The following COL4A6 variants were observed in gnomAD, a reference collection of about 807,000 sequenced individuals.
COL4A6 encodes the protein collagen type IV alpha 6 chain.
COL4A6 carries 59 observed loss-of-function variants against 126.7 expected under a neutral mutation model. The observed-to-expected ratio is 0.47, with a 90% confidence interval of 0.38 to 0.58. The LOEUF is 0.58. COL4A6 is among the 20% of genes least tolerant of loss of function. The pLI is 0.00. For synonymous variants in COL4A6, 547 were observed against 496.6 expected (o/e 1.10, Z -1.35); for missense variants, 1,285 against 1,337.3 (o/e 0.96, Z 0.61).
intron 2 of COL4A6, among the ~76,000 whole-genome samples, chrX:108,414,931 G>C (rs2041407408): frequency 8.9e-6 from 1 of 112,061 alleles, no homozygotes; most frequent in African/African-American, 3.2e-5. Flanking sequence ...AGTTATTAGA[G>C]GATTTCAGAT....
At position 108,159,678 on chromosome X, in the gene COL4A6, G is replaced by A; in HGVS notation, c.4596C>T (p.Cys1532=). 1 of 1,212,018 alleles carries A rather than the reference G, an allele frequency of 8.3e-7. No individual in the cohort carries two copies. The highest frequency in any genetic ancestry group is 1.1e-6 in the Non-Finnish European group (1 of 895,489). ...ATTTATCATTGCGCCTGGCATAGTG[G>A]CACACCTCGTTGATGTTGCAGTAGA... ...PFIYCNINEV[C]HYARRNDKSY... The change falls in exon 44 of 45, where the codon TGC becomes TGT. Residue 1532 remains cysteine, a synonymous_variant. Coordinates refer to ENST00000334504, the MANE Select transcript of COL4A6 (RefSeq NM_033641.4).
intron 2 of COL4A6, among the ~76,000 whole-genome samples, chrX:108,413,558 A>C (rs2041372600): frequency 9.0e-6 from 1 of 111,231 alleles, no homozygotes; most frequent in Non-Finnish European, 1.9e-5. Context: ...TCCCAGGTTC[A>C]CGCCATTCTC....
chrX:108,390,869 T>C (rs1361017738), intron 2 of COL4A6, among the ~76,000 whole-genome samples: 1 of 111,508 alleles, frequency 9.0e-6, no homozygotes, highest in South Asian at 3.8e-4. Context: ...TTCGTGGATT[T>C]GATGTTGGTG....
intron 3 of COL4A6, among the ~76,000 whole-genome samples, chrX:108,292,985 G>GAAAAAAAAAAAAAAAAAAAAAAAAAA (rs1292125261): frequency 6.0e-5 from 1 of 16,634 alleles, no homozygotes; most frequent in African/African-American, 2.9e-4. Context: ...GAAAGAGAAG[G>GAAAAAAAAAAAAAAAAAAAAAAAAAA]AAAAAAGCAA....
chrX:108,383,378 A>G (rs899463437), intron 2 of COL4A6: 1 of 436,977 alleles, frequency 2.3e-6, no homozygotes, highest in Non-Finnish European at 4.3e-6. Context: ...GCACCAAGCT[A>G]TAAGAAGTAA....
At chrX:108,282,939 T>A (rs1279179463) in intron 3 of COL4A6, among the ~76,000 whole-genome samples, 1 of 95,629 alleles carries the variant, frequency 1.0e-5, no homozygotes, top group African/African-American at 3.9e-5. Context: ...TAGGTGGGAA[T>A]TGAACAATGA....
chrX:108,343,020 A>G (rs1481622869), intron 2 of COL4A6, among the ~76,000 whole-genome samples: 1 of 107,615 alleles, frequency 9.3e-6, no homozygotes, highest in Non-Finnish European at 1.9e-5. Flanking sequence ...ACTAAGCAGT[A>G]CTTTTTTTAA....
intron 2 of COL4A6, chrX:108,383,393 C>A: frequency 2.1e-6 from 1 of 470,135 alleles, no homozygotes; most frequent in Non-Finnish European, 4.0e-6. Flanking sequence ...AAGTAAAACC[C>A]TGACTCAAGC....
At chrX:108,221,846 A>C (rs763823688) in intron 3 of COL4A6, among the ~76,000 whole-genome samples, 1 of 112,693 alleles carries the variant, frequency 8.9e-6, no homozygotes, top group South Asian at 3.7e-4. Context: ...TGGGCCCAGA[A>C]ACCTACAGGC....
chrX:108,350,191 A>G (rs953123354), intron 2 of COL4A6, among the ~76,000 whole-genome samples: 9 of 112,127 alleles, frequency 8.0e-5, no homozygotes, highest in African/African-American at 2.9e-4. Context: ...GAAAAATACA[A>G]TCTGCAATAT....
intron 3 of COL4A6, among the ~76,000 whole-genome samples, chrX:108,298,152 T>G (rs759066708): frequency 8.9e-6 from 1 of 111,959 alleles, no homozygotes; most frequent in South Asian, 3.8e-4. Flanking sequence ...GCGCTCTCCC[T>G]TTCTTCATGA....
At chrX:108,408,636 A>G (rs1348743035) in intron 2 of COL4A6, among the ~76,000 whole-genome samples, 1 of 112,055 alleles carries the variant, frequency 8.9e-6, no homozygotes, top group Non-Finnish European at 1.9e-5. Context: ...ATATATAAAT[A>G]TCATGCATAT....
chrX:108,369,385 TCAACC>T (rs1193958104), intron 2 of COL4A6, among the ~76,000 whole-genome samples: 11 of 111,673 alleles, frequency 9.9e-5, no homozygotes, highest in African/African-American at 3.6e-4. Flanking sequence ...CCTGGACAGT[TCAACC>T]TACCATGAAA....
chrX:108,332,291 T>C (rs747909704), intron 2 of COL4A6, among the ~76,000 whole-genome samples: 1 of 111,926 alleles, frequency 8.9e-6, no homozygotes, highest in African/African-American at 3.2e-5. Flanking sequence ...CTATTGTGAA[T>C]AGTGCAGTGA....
intron 2 of COL4A6, among the ~76,000 whole-genome samples, chrX:108,420,025 G>C (rs768898352): frequency 9.0e-6 from 1 of 111,704 alleles, no homozygotes; most frequent in Non-Finnish European, 1.9e-5. Context: ...TTAGTAAGAT[G>C]TTTGAGGGAA....
intron 3 of COL4A6, among the ~76,000 whole-genome samples, chrX:108,308,040 G>A (rs544128553): frequency 7.2e-5 from 8 of 111,847 alleles, no homozygotes; most frequent in African/African-American, 2.6e-4. Flanking sequence ...ACATTTTTAG[G>A]AACATATTTG....
At chrX:108,195,010 G>A in intron 15 of COL4A6, 72 bp downstream of exon 15, 6 of 839,383 alleles carry the variant, frequency 7.1e-6, no homozygotes, top group Non-Finnish European at 1.0e-5. Context: ...CTTTGGCCAT[G>A]TTAGGTAAAG....
intron 3 of COL4A6, among the ~76,000 whole-genome samples, chrX:108,227,441 C>A (rs553696082): frequency 5.0e-4 from 55 of 110,497 alleles, no homozygotes; most frequent in Admixed American, 3.9e-3. Context: ...CCAAGGTGGT[C>A]AGGCCACAAC....
rs771431031 is a variant in COL4A6 at position 108,193,652 on chromosome X, C to A, written c.1048G>T (p.Asp350Tyr). Residue 350 changes from aspartate (D) to tyrosine (Y), a missense_variant, in exon 17 of 45, where the codon GAT becomes TAT. Physicochemically the swap from Asp to Tyr is radical, Grantham distance 160 (BLOSUM62 -3). Coordinates refer to ENST00000334504, the MANE Select transcript of COL4A6 (RefSeq NM_033641.4). ...CCTGAGATCACAGCACCATCTATAT[C>A]GATGAAAACATCTGGGCCTGGCAGG... ...IGLPGPDVFI[D>Y]IDGAVISGNP... 1.7e-6 allele frequency: 2 copies of A among 1,207,773 alleles called. No homozygotes were observed. Among genetic ancestry groups the A allele is most frequent in the Non-Finnish European group, 2.2e-6 (2 of 893,200 alleles).
Sources: gnomAD v4.1 joint callset for allele counts (sites outside exome capture counted in the v4.1 genomes callset) on GRCh38, gnomAD v4.1.1 for gene constraint, MANE v1.5 for transcripts, NCBI Gene and HGNC (gene_info 2026-07-23, HGNC 2026-07-21) for gene names.